Variants in RPTOR observed in about 807,000 individuals in gnomAD.
The protein encoded by RPTOR is regulatory associated protein of MTOR complex 1, also known as regulatory-associated protein of mTOR.
A neutral mutation model predicts 169.9 loss-of-function variants in RPTOR; 21 were observed. The ratio of observed to expected loss-of-function variants is 0.12; its 90% CI spans 0.09 to 0.18. The LOEUF (loss-of-function observed/expected upper bound fraction) is 0.18, where lower values mean the gene tolerates loss of function less well. Among genes scored for constraint, RPTOR ranks in the 10% least tolerant of loss-of-function variants. RPTOR has a pLI of 1.00. For missense variants in RPTOR, 1,133 were observed against 1,855.9 expected (o/e 0.61, Z 7.16); for synonymous variants, 732 against 753.2 (o/e 0.97, Z 0.46).
chr17:80,686,889 G>A (rs1197650233), intron 3 of RPTOR, among the ~76,000 whole-genome samples: 1 of 152,142 alleles, frequency 6.6e-6, no homozygotes, highest in Non-Finnish European at 1.5e-5. Context: ...TTACTTTAAT[G>A]GGAGGCCTTA....
intron 3 of RPTOR, among the ~76,000 whole-genome samples, chr17:80,670,138 C>T (rs2065810743): frequency 6.6e-6 from 1 of 152,206 alleles, no homozygotes; most frequent in Non-Finnish European, 1.5e-5. Flanking sequence ...CGACTGCAGA[C>T]CGGACTCCGG....
chr17:80,561,263 G>GTA (rs1555713889), intron 1 of RPTOR, among the ~76,000 whole-genome samples: 3,503 of 19,484 alleles, frequency 0.18, 67 homozygotes, highest in Middle Eastern at 0.46. Flanking sequence ...ATATATATAT[G>GTA]TATATATATA....
In RPTOR at chr17:80,959,263, G is replaced by A. The variant is rs920942941; in HGVS notation, c.3478-815G>A. Among the ~76,000 whole-genome samples the A allele has an allele frequency of 2.6e-5, 4 of 152,218 alleles. No individual in the cohort carries two copies. The highest frequency in any genetic ancestry group is 1.9e-4 in the East Asian group (1 of 5,196). ...CCTGTCTGGAGCTGTGGCTCCACAC[G>A]AGACGTAGCCCTCAGGGCACAGCGT... On this transcript the variant is annotated intron_variant, in intron 29 of 33. Transcript: ENST00000306801. The surrounding 1 kb of genome is among the most constrained non-coding windows in gnomAD (Gnocchi z 6.7).
chr17:80,730,767 GGTTTGGGT>G lies in RPTOR; in HGVS notation c.654+63_654+70del. ...TTGGTTTTGTTTTCCCTGGGGGTGG[GGTTTGGGT>G]GGGGAGGTTGGGAGGTGTTGGACAT... On this transcript the variant is annotated intron_variant, in intron 5 of 33. Transcript: ENST00000306801. This position sits in a 1 kb window ranked among gnomAD's most constrained non-coding sequence, Gnocchi z 4.2. The G allele has an allele frequency of 8.0e-7, 1 of 1,255,414 alleles. No homozygotes were observed. The highest frequency in any genetic ancestry group is 1.1e-6 in the Non-Finnish European group (1 of 885,842). The allele number at this position is 1,255,414 out of a possible 1,614,324, so 77.8% of individuals were successfully genotyped here. A position where few individuals can be genotyped will look rare whatever the true frequency, so the allele number is the denominator to read the frequency against.
intron 4 of RPTOR, among the ~76,000 whole-genome samples, chr17:80,728,876 G>T (rs2066363770): frequency 6.6e-6 from 1 of 152,070 alleles, no homozygotes; most frequent in African/African-American, 2.4e-5. Context: ...CCTTCAGTGG[G>T]TTTATTTACA....
chr17:80,571,522 C>CT (rs2143310324), intron 1 of RPTOR, among the ~76,000 whole-genome samples: 1 of 152,204 alleles, frequency 6.6e-6, no homozygotes, highest in East Asian at 1.9e-4. Flanking sequence ...CAATAATTAT[C>CT]TCTTCACTTT....
chr17:80,655,272 G>A (rs1181657392), intron 3 of RPTOR, among the ~76,000 whole-genome samples: 2 of 152,168 alleles, frequency 1.3e-5, no homozygotes, highest in African/African-American at 4.8e-5. Context: ...TTTTAGTGGA[G>A]ACAGGGTTTC....
chr17:80,911,318 A>G (rs1198420425), intron 21 of RPTOR, among the ~76,000 whole-genome samples: 1 of 152,120 alleles, frequency 6.6e-6, no homozygotes, highest in Non-Finnish European at 1.5e-5. Context: ...CTGCACGGGC[A>G]CCTGGAGACG....
chr17:80,701,545 C>A (rs1367914644), intron 3 of RPTOR, among the ~76,000 whole-genome samples: 1 of 152,192 alleles, frequency 6.6e-6, no homozygotes, highest in African/African-American at 2.4e-5. Flanking sequence ...TCTTTGCATC[C>A]TACTTGAGAA....
At chr17:80,595,050 A>G (rs951815929) in intron 1 of RPTOR, among the ~76,000 whole-genome samples, 1 of 152,032 alleles carries the variant, frequency 6.6e-6, no homozygotes, top group African/African-American at 2.4e-5. Flanking sequence ...AGAGAGAGAG[A>G]GAGGGAGAGA....
In RPTOR at chr17:80,959,706, CAG is replaced by C. The variant is rs557032040; in HGVS notation, c.3478-365_3478-364del. On this transcript the variant is annotated intron_variant, in intron 29 of 33. Transcript: ENST00000306801. The surrounding 1 kb of genome is among the most constrained non-coding windows in gnomAD (Gnocchi z 6.7). ...GTGCTTTGCTTTCCTTTTTAGGAAACAGAGAGAGGTTGGAAGTTTAATTGGCA... is the reference window on the plus strand; with the variant it reads ...GTGCTTTGCTTTCCTTTTTAGGAAACAGAGAGGTTGGAAGTTTAATTGGCA... Among the ~76,000 whole-genome samples the C allele has an allele frequency of 7.2e-5, 11 of 152,188 alleles. No homozygotes were observed. The highest frequency in any genetic ancestry group is 1.5e-4 in the Non-Finnish European group (10 of 68,034).
chr17:80,726,185 A>G lies in RPTOR; in HGVS notation c.508-4375A>G, dbSNP rs960480976. ...GGCTGGGAAAGCTGTTCTGTGGCGC[A>G]GCATCCCAGTGGCTGTTACGGGGTG... On this transcript the variant is annotated intron_variant, in intron 4 of 33. Transcript: ENST00000306801. This position sits in a 1 kb window ranked among gnomAD's most constrained non-coding sequence, Gnocchi z 4.5. 3.9e-5 allele frequency among the ~76,000 whole-genome samples: 6 copies of G among 152,300 alleles called. No individual in the cohort carries two copies. Among genetic ancestry groups the G allele is most frequent in the African/African-American group, 1.4e-4 (6 of 41,578 alleles).
intron 4 of RPTOR, among the ~76,000 whole-genome samples, chr17:80,723,060 A>G (rs1442402402): frequency 6.6e-6 from 1 of 151,204 alleles, no homozygotes; most frequent in Non-Finnish European, 1.5e-5. Flanking sequence ...TTGAGGATCA[A>G]AGTTTTGGGA....
At chr17:80,753,559 G>T (rs1471480272) in intron 5 of RPTOR, among the ~76,000 whole-genome samples, 1 of 149,834 alleles carries the variant, frequency 6.7e-6, no homozygotes, top group Non-Finnish European at 1.5e-5. Flanking sequence ...CGTGAACCCG[G>T]GAGGCGGAGC....
chr17:80,597,226 A>G (rs540102124), intron 1 of RPTOR, among the ~76,000 whole-genome samples: 79 of 152,236 alleles, frequency 5.2e-4, no homozygotes, highest in African/African-American at 1.6e-3. Context: ...CGTAGAGGGG[A>G]TGGAACTTGA....
At chr17:80,743,280 T>C (rs1271350520) in intron 5 of RPTOR, 2 of 985,326 alleles carry the variant, frequency 2.0e-6, no homozygotes, top group Admixed American at 1.2e-4. Context: ...ACAAAATGTT[T>C]CCGGGGGTGA....
chr17:80,786,483 A>G lies in RPTOR; in HGVS notation c.831-4967A>G, dbSNP rs78386209. On this transcript the variant is annotated intron_variant, in intron 6 of 33. Transcript: ENST00000306801. ...AAAGAAAACTCTAGGCAAATTGAAT[A>G]CAACAGAGTTTAATTGAGCAAAGAA... Among the ~76,000 whole-genome samples, 1,225 of 152,368 alleles carry G rather than the reference A, an allele frequency of 8.0e-3. 19 individuals are homozygous for G. The highest frequency in any genetic ancestry group is 0.028 in the African/African-American group (1,179 of 41,580).
At chr17:80,784,472 A>G (rs1006807751) in intron 6 of RPTOR, among the ~76,000 whole-genome samples, 3 of 149,536 alleles carry the variant, frequency 2.0e-5, no homozygotes, top group African/African-American at 7.4e-5. Context: ...GCTCACTGCA[A>G]CCTCCGCCTT....
At chr17:80,870,174 A>G (rs763121960) in intron 13 of RPTOR, among the ~76,000 whole-genome samples, 1 of 152,232 alleles carries the variant, frequency 6.6e-6, no homozygotes, top group Non-Finnish European at 1.5e-5. Flanking sequence ...AGTTGTGGTT[A>G]TGGTACCACC....
Sources: allele counts gnomAD v4.1 joint callset (sites outside exome capture counted in the v4.1 genomes callset), GRCh38; gene constraint gnomAD v4.1.1; non-coding constraint Gnocchi (gnomAD v3.1); transcripts MANE v1.5; gene names NCBI Gene and HGNC (gene_info 2026-07-23, HGNC 2026-07-21).